SMYD3: variants seen among roughly 807,000 people sequenced by gnomAD.
SMYD3 encodes histone-lysine N-methyltransferase SMYD3.
A neutral mutation model predicts 57.7 loss-of-function variants in SMYD3; 36 were observed. The ratio of observed to expected loss-of-function variants is 0.62; its 90% CI spans 0.48 to 0.82. The LOEUF (loss-of-function observed/expected upper bound fraction) is 0.82. SMYD3 is among the 40% of genes least tolerant of loss of function. The pLI, the probability that SMYD3 is intolerant of heterozygous loss-of-function variation, is 0.00. For missense variants in SMYD3, 515 were observed against 538.8 expected (o/e 0.96, Z 0.44); for synonymous variants, 211 against 195.0 (o/e 1.08, Z -0.68).
intron 1 of SMYD3, among the ~76,000 whole-genome samples, chr1:246,390,972 A>G (rs1282057689): frequency 6.6e-6 from 1 of 152,170 alleles, no homozygotes; most frequent in East Asian, 1.9e-4. Context: ...AAGACATCAA[A>G]CCTATAGAAA....
At chr1:245,943,609 G>A (rs1322677051) in intron 5 of SMYD3, among the ~76,000 whole-genome samples, 1 of 152,054 alleles carries the variant, frequency 6.6e-6, no homozygotes. Flanking sequence ...TGAAAAAGAG[G>A]GACTCCTCGC....
intron 5 of SMYD3, among the ~76,000 whole-genome samples, chr1:246,160,758 GGGGGACAGCA>G (rs2062104283): frequency 6.6e-6 from 1 of 152,184 alleles, no homozygotes; most frequent in Admixed American, 6.5e-5. Context: ...GCTCTCACAT[GGGGGACAGCA>G]GTGAGTGAGG....
chr1:246,226,097 AAAAT>A, intron 5 of SMYD3, among the ~76,000 whole-genome samples: 1 of 152,280 alleles, frequency 6.6e-6, no homozygotes, highest in Middle Eastern at 3.4e-3. Context: ...CTTCTTGCCT[AAAAT>A]AAACTTCCAC....
intron 5 of SMYD3, among the ~76,000 whole-genome samples, chr1:246,031,440 T>G (rs1303689616): frequency 6.6e-6 from 1 of 152,054 alleles, no homozygotes; most frequent in Admixed American, 6.5e-5. Flanking sequence ...TATTTCAGAT[T>G]AAAAAGAAGT....
At chr1:246,498,646 G>C (rs1360375155) in intron 1 of SMYD3, among the ~76,000 whole-genome samples, 1 of 150,660 alleles carries the variant, frequency 6.6e-6, no homozygotes, top group African/African-American at 2.5e-5. Flanking sequence ...CAGGAGAATA[G>C]TGTGAACCTG....
At chr1:246,195,615 A>G (rs572322563) in intron 5 of SMYD3, among the ~76,000 whole-genome samples, 3,180 of 147,980 alleles carry the variant, frequency 0.021, 66 homozygotes, top group African/African-American at 0.059. Flanking sequence ...GCACGCGCGC[A>G]CACACACACA....
At chr1:246,282,770 G>A (rs1288276822) in intron 5 of SMYD3, among the ~76,000 whole-genome samples, 3 of 152,084 alleles carry the variant, frequency 2.0e-5, no homozygotes, top group Non-Finnish European at 2.9e-5. Flanking sequence ...TATGTTATGG[G>A]GAAAAATGAT....
At chr1:245,841,981 G>A (rs2050424393) in intron 10 of SMYD3, among the ~76,000 whole-genome samples, 1 of 151,964 alleles carries the variant, frequency 6.6e-6, no homozygotes, top group Non-Finnish European at 1.5e-5. Context: ...TTTTTTCTAT[G>A]TTTACATACA....
intron 5 of SMYD3, among the ~76,000 whole-genome samples, chr1:246,038,310 G>T (rs2059812107): frequency 6.6e-6 from 1 of 152,110 alleles, no homozygotes; most frequent in Non-Finnish European, 1.5e-5. Flanking sequence ...GAAACTCAAA[G>T]AGGAAAGACT....
intron 5 of SMYD3, among the ~76,000 whole-genome samples, chr1:246,254,492 T>C (rs1244145640): frequency 2.6e-5 from 4 of 152,234 alleles, no homozygotes. Context: ...TCCACTGGTC[T>C]ATGTGTCTGT....
At chr1:246,303,016 G>C (rs747792595) in intron 5 of SMYD3, among the ~76,000 whole-genome samples, 8 of 152,206 alleles carry the variant, frequency 5.3e-5, no homozygotes, top group East Asian at 1.9e-4. Context: ...AGAGAATTGC[G>C]GATATACAGA....
At chr1:245,931,713 G>A (rs971563199) in intron 5 of SMYD3, among the ~76,000 whole-genome samples, 1 of 152,136 alleles carries the variant, frequency 6.6e-6, no homozygotes, top group East Asian at 1.9e-4. Context: ...TAAAGTTTCT[G>A]TAAAGGAAAA....
intron 1 of SMYD3, among the ~76,000 whole-genome samples, chr1:246,372,751 G>C (rs2066212923): frequency 1.3e-5 from 2 of 152,314 alleles, no homozygotes; most frequent in South Asian, 4.1e-4. Context: ...AGGACTTTGT[G>C]GGGCCGAGGC....
chr1:245,855,329 G>C lies in SMYD3; in HGVS notation c.1076+3167C>G, dbSNP rs117044451. ...TCTCTCCGTTTTTAGGGGCTGGGGG[G>C]GGAATTTATAGCCCATACAGTGGTG... On this transcript the variant is annotated intron_variant, in intron 10 of 11. Transcript: ENST00000490107. Among the ~76,000 whole-genome samples, 813 of 151,722 alleles carry C rather than the reference G, an allele frequency of 5.4e-3. 29 individuals carry two copies. In the East Asian group the frequency reaches 0.11, roughly 21 times the overall value.
intron 5 of SMYD3, among the ~76,000 whole-genome samples, chr1:246,185,775 A>C (rs2062630474): frequency 6.6e-6 from 1 of 152,178 alleles, no homozygotes; most frequent in Non-Finnish European, 1.5e-5. Context: ...TTCCTTTTCA[A>C]GAATTACAAA....
chr1:245,767,474 G>A (rs2046165516), intron 10 of SMYD3, among the ~76,000 whole-genome samples: 1 of 152,174 alleles, frequency 6.6e-6, no homozygotes, highest in Non-Finnish European at 1.5e-5. Context: ...GCACAGTCCT[G>A]GTCAATATGG....
At chr1:246,099,632 G>C (rs748276571) in intron 5 of SMYD3, among the ~76,000 whole-genome samples, 10 of 152,136 alleles carry the variant, frequency 6.6e-5, no homozygotes, top group Non-Finnish European at 1.3e-4. Flanking sequence ...CATTCAGGAA[G>C]CTGATGAGAT....
At chr1:246,300,141 G>A (rs751609823) in intron 5 of SMYD3, among the ~76,000 whole-genome samples, 1 of 152,042 alleles carries the variant, frequency 6.6e-6, no homozygotes, top group Non-Finnish European at 1.5e-5. Context: ...TATAAATGTG[G>A]ACCCAACTGT....
intron 5 of SMYD3, among the ~76,000 whole-genome samples, chr1:246,263,087 A>T (rs943020848): frequency 2.0e-5 from 3 of 152,234 alleles, no homozygotes; most frequent in African/African-American, 7.2e-5. Context: ...ATGTTGGTAC[A>T]TGTACTCAAG....
Sources: gnomAD v4.1 joint callset for allele counts (sites outside exome capture counted in the v4.1 genomes callset) on GRCh38, gnomAD v4.1.1 for gene constraint, MANE v1.5 for transcripts, NCBI Gene and HGNC (gene_info 2026-07-23, HGNC 2026-07-21) for gene names.